CD2AP: variants seen among roughly 807,000 people sequenced by gnomAD.
CD2AP encodes the protein CD2 associated protein.
In CD2AP, 46 loss-of-function variants were observed where a neutral mutation model predicts 85.1. The ratio of observed to expected loss-of-function variants is 0.54; its 90% CI spans 0.43 to 0.69. The LOEUF is 0.69. Ranked by LOEUF, CD2AP falls within the 30% of genes least tolerant of loss-of-function variation. The pLI, the probability that CD2AP is intolerant of heterozygous loss-of-function variation, is 0.00. For missense variants in CD2AP, 769 were observed against 729.5 expected (o/e 1.05, Z -0.62); for synonymous variants, 255 against 252.9 (o/e 1.01, Z -0.08).
At chr6:47,535,024 C>T (rs1369655403) in intron 3 of CD2AP, among the ~76,000 whole-genome samples, 6 of 152,122 alleles carry the variant, frequency 3.9e-5, no homozygotes, top group South Asian at 4.2e-4. Context: ...CTTGAACTCC[C>T]GGGCTCAAGT....
intron 13 of CD2AP, among the ~76,000 whole-genome samples, chr6:47,602,882 A>T (rs1395175260): frequency 6.6e-6 from 1 of 152,068 alleles, no homozygotes; most frequent in Non-Finnish European, 1.5e-5. Context: ...CCTGGGTGAT[A>T]AAGTGAGACC....
chr6:47,576,893 T>A, intron 7 of CD2AP, 116 bp from the exon 8 acceptor site: 2 of 713,506 alleles, frequency 2.8e-6, no homozygotes, highest in South Asian at 3.2e-5. Context: ...AATTTAAAGA[T>A]AATTAAGTTC....
At position 47,478,117 on chromosome 6, in the gene CD2AP, C is replaced by G. The variant is rs953502624; in HGVS notation, c.-128C>G. The G allele has an allele frequency of 2.0e-5, 25 of 1,250,512 alleles. No homozygotes were observed. Among genetic ancestry groups the G allele is most frequent in the Non-Finnish European group, 2.5e-5 (22 of 877,696 alleles). 77.5% of individuals were successfully genotyped at this position (1,250,512 alleles called of 1,614,324 possible). ...CGGATGGAGGCGACTCTTCGCCCCG[C>G]CTGAGCTCAGGAGGGGCTAGCGCGG... On this transcript the variant is annotated 5_prime_UTR_variant, in exon 1 of 18. Transcript: ENST00000359314.
chr6:47,509,625 G>A (rs2113990892), intron 2 of CD2AP, among the ~76,000 whole-genome samples: 1 of 152,250 alleles, frequency 6.6e-6, no homozygotes, highest in Middle Eastern at 3.4e-3. Flanking sequence ...TTTGTTTTAT[G>A]AATTTACTTC....
chr6:47,529,332 T>C (rs1381876018), intron 2 of CD2AP, among the ~76,000 whole-genome samples: 1 of 152,182 alleles, frequency 6.6e-6, no homozygotes, highest in Non-Finnish European at 1.5e-5. Context: ...CTGTGGAGTT[T>C]GCATATTCTC....
At chr6:47,595,545 T>A (rs1768916930) in intron 11 of CD2AP, among the ~76,000 whole-genome samples, 1 of 152,042 alleles carries the variant, frequency 6.6e-6, no homozygotes, top group African/African-American at 2.4e-5. Context: ...CATGTGTGGT[T>A]GTATTTGAGA....
rs1174062915 is a variant in CD2AP at position 47,626,652 on chromosome 6, CTGAAGATGTAAAGAGAGAACAGGCCTTG to C, written c.*2428_*2455del. 1.3e-5 allele frequency: 2 copies of C among 152,352 alleles called. No individual in the cohort carries two copies. Among genetic ancestry groups the C allele is most frequent in the Non-Finnish European group, 2.9e-5 (2 of 67,860 alleles). The allele number at this position is 152,352 out of a possible 1,614,324, so 9.4% of individuals were successfully genotyped here. A position where few individuals can be genotyped will look rare whatever the true frequency, so the allele number is the denominator to read the frequency against. Reference sequence around the variant, plus strand: ...CTGTTACCTTCTACAGAATTTAAGTCTGAAGATGTAAAGAGAGAACAGGCCTTGTGTAACAGAAGATACTCTTTTTTAT... The same window carrying C: ...CTGTTACCTTCTACAGAATTTAAGTCTGTAACAGAAGATACTCTTTTTTAT... On this transcript the variant is annotated 3_prime_UTR_variant, in exon 18 of 18. Transcript: ENST00000359314.
At chr6:47,598,190 C>T (rs115907925) in intron 12 of CD2AP, among the ~76,000 whole-genome samples, 1,600 of 150,890 alleles carry the variant, frequency 0.011, 40 homozygotes, top group African/African-American at 0.035. Context: ...AAATCAAAAC[C>T]GCAATGTGAT....
Position 47,533,736 on chromosome 6 carries a change from A to G in CD2AP, c.300A>G (p.Gln100=). The G allele has an allele frequency of 6.2e-7, 1 of 1,614,070 alleles. No homozygotes were observed. Among genetic ancestry groups the G allele is most frequent in the Non-Finnish European group, 8.5e-7 (1 of 1,179,970 alleles). ...LPAGGIQPHP[Q]TKNIKKKTKK... is the part of the protein sequence containing the mutation. ...CTGGAGGAATTCAGCCACATCCACA[A>G]ACCAAAAACATTAAGAAGAGTATGT... The change falls in exon 3 of 18, where the codon CAA becomes CAG. Residue 100 remains glutamine (Q), a synonymous_variant. Coordinates refer to ENST00000359314, the MANE Select transcript of CD2AP (RefSeq NM_012120.3).
Position 47,576,532 on chromosome 6 carries a change from C to A in CD2AP, c.738C>A (p.Ile246=). 6.2e-7 allele frequency: 1 copy of A among 1,608,508 alleles called. No homozygotes were observed. The highest frequency in any genetic ancestry group is 8.5e-7 in the Non-Finnish European group (1 of 1,175,316). ...ATTTTTTTCTATTCTAGCCCTTAATCCTACAGTCACTGGGACCCAAAACTC... is the reference window on the plus strand; with the variant it reads ...ATTTTTTTCTATTCTAGCCCTTAATACTACAGTCACTGGGACCCAAAACTC... The part of the protein sequence containing the change: ...TEEKKPEKPL[I]LQSLGPKTQS... Residue 246 remains isoleucine (I), a synonymous_variant, in exon 7 of 18, where the codon ATC becomes ATA. Coordinates refer to ENST00000359314, the MANE Select transcript of CD2AP (RefSeq NM_012120.3).
chr6:47,537,407 T>C (rs967705811), intron 3 of CD2AP, among the ~76,000 whole-genome samples: 1 of 152,130 alleles, frequency 6.6e-6, no homozygotes, highest in Non-Finnish European at 1.5e-5. Flanking sequence ...ATCTTGGGGT[T>C]AGAACACCCT....
intron 16 of CD2AP, among the ~76,000 whole-genome samples, chr6:47,611,245 A>G (rs1769431230): frequency 6.6e-6 from 1 of 151,530 alleles, no homozygotes; most frequent in African/African-American, 2.4e-5. Context: ...ACACGCAATC[A>G]GTGTATTTCA....
At chr6:47,515,627 G>T (rs762679795) in intron 2 of CD2AP, among the ~76,000 whole-genome samples, 25 of 152,292 alleles carry the variant, frequency 1.6e-4, no homozygotes, top group Admixed American at 3.3e-4. Flanking sequence ...GTATGTGCTA[G>T]TTATTAGAGA....
In CD2AP at chr6:47,523,523, G is replaced by A. The variant is rs573307228; in HGVS notation, c.166-10079G>A. Among the ~76,000 whole-genome samples, 12 of 152,096 alleles carry A rather than the reference G, an allele frequency of 7.9e-5. No individual in the cohort carries two copies. The South Asian group carries it at 1.9e-3, about 24-fold the overall frequency. On this transcript the variant is annotated intron_variant, in intron 2 of 17. Transcript: ENST00000359314. ...ATAAGTAAAAATAAAAATAAAAAACGGTTGAAAGAATGCCAAAGTTGTGTA... is the reference window on the plus strand; with the variant it reads ...ATAAGTAAAAATAAAAATAAAAAACAGTTGAAAGAATGCCAAAGTTGTGTA...
chr6:47,547,372 G>C (rs1767392677), intron 4 of CD2AP, among the ~76,000 whole-genome samples: 2 of 152,142 alleles, frequency 1.3e-5, no homozygotes, highest in African/African-American at 4.8e-5. Context: ...GACAGCAGGA[G>C]TAGCTATGCT....
chr6:47,542,047 A>G (rs1767228060), intron 3 of CD2AP, among the ~76,000 whole-genome samples: 1 of 152,208 alleles, frequency 6.6e-6, no homozygotes, highest in South Asian at 2.1e-4. Context: ...ACCTTCTTGT[A>G]TCTTACTCAT....
At position 47,477,815 on chromosome 6, in the gene CD2AP, A is replaced by C; in HGVS notation, c.-430A>C. ...TCTGTCTGGGTCCCCACCTTAGTCT[A>C]CGGTGTCGCCTTTTCTAACTGCGAG... On this transcript the variant is annotated 5_prime_UTR_variant, in exon 1 of 18. Transcript: ENST00000359314. 2 of 213,100 alleles carry C rather than the reference A, an allele frequency of 9.4e-6. No homozygotes were observed. Among genetic ancestry groups the C allele is most frequent in the Non-Finnish European group, 9.4e-6 (1 of 106,684 alleles). 13.2% of individuals were successfully genotyped at this position (213,100 alleles called of 1,614,324 possible).
chr6:47,566,936 TG>T (rs902259876), intron 5 of CD2AP, among the ~76,000 whole-genome samples: 2 of 152,206 alleles, frequency 1.3e-5, no homozygotes, highest in Admixed American at 6.5e-5. Flanking sequence ...AACATATGCA[TG>T]CATGTGTCTT....
At chr6:47,518,439 TATA>T (rs1766506407) in intron 2 of CD2AP, among the ~76,000 whole-genome samples, 1 of 152,274 alleles carries the variant, frequency 6.6e-6, no homozygotes, top group Admixed American at 6.5e-5. Context: ...GTTTTGCTTT[TATA>T]ATAATTTAGT....
Sources: allele counts gnomAD v4.1 joint callset (sites outside exome capture counted in the v4.1 genomes callset), GRCh38; gene constraint gnomAD v4.1.1; transcripts MANE v1.5; gene names NCBI Gene and HGNC (gene_info 2026-07-23, HGNC 2026-07-21).